AP2B1: variants seen among roughly 807,000 people sequenced by gnomAD.
The protein encoded by AP2B1 is AP-2 complex subunit beta.
A neutral mutation model predicts 102.0 loss-of-function variants in AP2B1; 23 were observed. The ratio of observed to expected loss-of-function variants is 0.23; its 90% confidence interval spans 0.16 to 0.32. The LOEUF is 0.32. Among genes scored for constraint, AP2B1 ranks in the 10% least tolerant of loss-of-function variants. The pLI, the probability that AP2B1 is intolerant of heterozygous loss-of-function variation, is 1.00. For missense variants in AP2B1, 541 were observed against 1,157.4 expected (o/e 0.47, Z 7.73); for synonymous variants, 381 against 421.2 (o/e 0.90, Z 1.17).
chr17:35,697,428 G>A (rs756109267), intron 18 of AP2B1, among the ~76,000 whole-genome samples: 15 of 152,148 alleles, frequency 9.9e-5, no homozygotes, highest in Non-Finnish European at 2.1e-4. Context: ...TTATCCTAAA[G>A]AGCCTTAGAC....
Position 35,725,156 on chromosome 17 carries a change from C to T in AP2B1, c.*1457C>T, listed in dbSNP as rs1425704444. 6.6e-6 allele frequency: 1 copy of T among 152,192 alleles called. No homozygotes were observed. Among genetic ancestry groups the T allele is most frequent in the East Asian group, 1.9e-4 (1 of 5,200 alleles). The allele number at this position is 152,192 out of a possible 1,614,324, so 9.4% of individuals were successfully genotyped here. Reference sequence around the variant, plus strand: ...AAAGACTGGGGGATATGAAATCTTCCCCCTACCCCACTTAATGCGTTGGAT... The same window carrying T: ...AAAGACTGGGGGATATGAAATCTTCTCCCTACCCCACTTAATGCGTTGGAT... On this transcript the variant is annotated 3_prime_UTR_variant, in exon 22 of 22. Transcript: ENST00000610402.
Position 35,597,357 on chromosome 17 carries a change from C to T in AP2B1, c.38-873C>T, listed in dbSNP as rs540127857. ...GTTACTTTCTTTTTTATTTTGGTTC[C>T]GGCTTCTTGCAGATAGGTGAGCCTG... On this transcript the variant is annotated intron_variant, in intron 2 of 21. Coordinates refer to ENST00000610402, the MANE Select transcript of AP2B1 (RefSeq NM_001030006.2). Among the ~76,000 whole-genome samples the T allele has an allele frequency of 7.2e-5, 11 of 152,018 alleles. 1 individual carries two copies. In the South Asian group the frequency reaches 2.3e-3, roughly 32 times the overall value.
At chr17:35,637,539 G>A (rs2074643138) in intron 10 of AP2B1, among the ~76,000 whole-genome samples, 1 of 152,148 alleles carries the variant, frequency 6.6e-6, no homozygotes, top group Non-Finnish European at 1.5e-5. Context: ...AGTTAGCTTA[G>A]TGGTGGGCTC....
At chr17:35,664,568 T>A (rs1887079471) in intron 14 of AP2B1, among the ~76,000 whole-genome samples, 1 of 152,198 alleles carries the variant, frequency 6.6e-6, no homozygotes, top group African/African-American at 2.4e-5. Context: ...CAAGATTGTC[T>A]CCCAGGAAAT....
chr17:35,703,282 A>AAT (rs2076275233), intron 18 of AP2B1, among the ~76,000 whole-genome samples: 2 of 149,626 alleles, frequency 1.3e-5, no homozygotes, highest in African/African-American at 4.9e-5. Context: ...AAAAAAAAAA[A>AAT]GACCTAAAAA....
At position 35,668,542 on chromosome 17, in the gene AP2B1, C is replaced by T. The variant is rs547740449; in HGVS notation, c.1990-2315C>T. Among the ~76,000 whole-genome samples, 8 of 152,288 alleles carry T rather than the reference C, an allele frequency of 5.3e-5. No individual in the cohort carries two copies. In the East Asian group the frequency reaches 1.3e-3, roughly 26 times the overall value. ...AACCATACTACTGAAACATAATTGA[C>T]ATAGTTATTAGTATTCTTAGAAAGC... is the stretch of plus-strand genomic sequence containing the variant. On this transcript the variant is annotated intron_variant, in intron 14 of 21. Coordinates refer to ENST00000610402, the MANE Select transcript of AP2B1 (RefSeq NM_001030006.2).
At position 35,614,655 on chromosome 17, in the gene AP2B1, T is replaced by TAAAAAA. The variant is rs3031833; in HGVS notation, c.525+6288_525+6293dup. Among the ~76,000 whole-genome samples, 227 of 93,098 alleles carry TAAAAAA rather than the reference T, an allele frequency of 2.4e-3. 4 individuals are homozygous for TAAAAAA. The highest frequency in any genetic ancestry group is 3.1e-3 in the African/African-American group (72 of 23,412). 61.1% of individuals were successfully genotyped at this position (93,098 alleles called of 152,430 possible). On this transcript the variant is annotated intron_variant, in intron 5 of 21. Transcript: ENST00000610402. ...GCAAAATTGCAAACTGTTGAATTAG[T>TAAAAAA]AAAAAAAAAAAAAAAAAAAAAAAAA...
intron 4 of AP2B1, among the ~76,000 whole-genome samples, chr17:35,606,968 C>G (rs989102874): frequency 6.6e-6 from 1 of 151,432 alleles, no homozygotes; most frequent in East Asian, 1.9e-4. Flanking sequence ...TGCAATGGCG[C>G]AATCTCAGCT....
chr17:35,720,178 G>A (rs1344634482), intron 21 of AP2B1, among the ~76,000 whole-genome samples: 1 of 152,072 alleles, frequency 6.6e-6, no homozygotes, highest in Non-Finnish European at 1.5e-5. Context: ...TGCTTAAAAA[G>A]GCAAAGAGTA....
chr17:35,671,164 A>G (rs1285353845), intron 15 of AP2B1, among the ~76,000 whole-genome samples: 1 of 152,192 alleles, frequency 6.6e-6, no homozygotes, highest in Non-Finnish European at 1.5e-5. Context: ...GCTAAAGGAA[A>G]TGGACCCTTC....
chr17:35,591,334 G>A (rs888618875), intron 1 of AP2B1, among the ~76,000 whole-genome samples: 1 of 151,976 alleles, frequency 6.6e-6, no homozygotes, highest in African/African-American at 2.4e-5. Context: ...TACCATGCCC[G>A]GCTAATTTTT....
At position 35,650,541 on chromosome 17, in the gene AP2B1, T is replaced by C; in HGVS notation, c.1548T>C (p.Asn516=). Residue 516 remains asparagine (N), a synonymous_variant, in exon 13 of 22, where the codon AAT becomes AAC. Coordinates refer to ENST00000610402, the MANE Select transcript of AP2B1 (RefSeq NM_001030006.2). ...VLSLATQDSD[N]PDLRDRGYIY... The stretch of plus-strand genomic sequence containing the variant: ...TGCCTTTTCTTTAGGATTCTGATAA[T>C]CCTGACCTTCGAGACCGGGGCTATA... The C allele has an allele frequency of 6.2e-7, 1 of 1,614,162 alleles. No homozygotes were observed. The highest frequency in any genetic ancestry group is 2.2e-5 in the East Asian group (1 of 44,888).
intron 13 of AP2B1, among the ~76,000 whole-genome samples, chr17:35,652,001 C>T (rs2075099240): frequency 6.6e-6 from 1 of 152,140 alleles, no homozygotes; most frequent in Non-Finnish European, 1.5e-5. Context: ...TGTATCTAGC[C>T]TCCTGCTAAC....
intron 12 of AP2B1, among the ~76,000 whole-genome samples, chr17:35,642,848 T>A (rs1410361137): frequency 1.3e-5 from 2 of 152,200 alleles, no homozygotes; most frequent in Admixed American, 1.3e-4. Context: ...TTGTATGAGC[T>A]TTTTGAAGTA....
intron 1 of AP2B1, 64 bp from the exon 2 acceptor site, chr17:35,593,939 TTAAAA>T (rs769636002): frequency 1.3e-6 from 1 of 789,292 alleles, no homozygotes; most frequent in Non-Finnish European, 1.9e-6. Context: ...TTGGATGTTC[TTAAAA>T]TTAATTGGAT....
intron 17 of AP2B1, among the ~76,000 whole-genome samples, chr17:35,679,354 A>T (rs369119100): frequency 1.6e-4 from 24 of 147,750 alleles, no homozygotes; most frequent in African/African-American, 4.5e-4. Flanking sequence ...GAGCTCTTTC[A>T]TCTCCAGGGC....
intron 3 of AP2B1, among the ~76,000 whole-genome samples, chr17:35,600,106 GA>G (rs199728641): frequency 0.022 from 3,288 of 152,010 alleles, 124 homozygotes; most frequent in African/African-American, 0.075. Context: ...TTTTGAGACA[GA>G]GTCTTACTCT....
intron 14 of AP2B1, among the ~76,000 whole-genome samples, chr17:35,666,474 T>C (rs1379104595): frequency 6.6e-6 from 1 of 152,220 alleles, no homozygotes; most frequent in African/African-American, 2.4e-5. Context: ...ATACAGACTG[T>C]TCAATTCTCA....
rs1320075210 is a variant in AP2B1, at chr17:35,725,842, A to G, written c.*2143A>G. 1.3e-5 allele frequency: 2 copies of G among 152,392 alleles called. No individual in the cohort carries two copies. Among genetic ancestry groups the G allele is most frequent in the African/African-American group, 4.8e-5 (2 of 41,436 alleles). The allele number at this position is 152,392 out of a possible 1,614,324, so 9.4% of individuals were successfully genotyped here. On this transcript the variant is annotated 3_prime_UTR_variant, in exon 22 of 22. Transcript: ENST00000610402. The stretch of plus-strand genomic sequence containing the variant: ...TCAGAATATGTCCCTCAACCCCCGA[A>G]ACAAGGCTTCTCTCAGCCTCCCCAC...
Sources: allele counts gnomAD v4.1 joint callset (sites outside exome capture counted in the v4.1 genomes callset), GRCh38; gene constraint gnomAD v4.1.1; transcripts MANE v1.5; gene names NCBI Gene and HGNC (gene_info 2026-07-23, HGNC 2026-07-21).